CPXM2: variants seen among roughly 807,000 people sequenced by gnomAD.
CPXM2 encodes the protein carboxypeptidase X, M14 family member 2, also known as inactive carboxypeptidase-like protein X2.
Under a neutral mutation model 86.1 loss-of-function variants are expected in CPXM2, and 66 were observed. That is an observed-to-expected ratio of 0.77 (90% CI 0.63 to 0.94). The LOEUF (loss-of-function observed/expected upper bound fraction) is 0.94. Among genes scored for constraint, CPXM2 ranks in the 40% least tolerant of loss-of-function variants. The probability of loss-of-function intolerance (pLI) is 0.00; values close to 1 mark genes in which losing one functional copy is unlikely to be tolerated. For synonymous variants in CPXM2, 388 were observed against 400.2 expected, an observed-to-expected ratio of 0.97 and a Z score of 0.36; for missense variants, 948 against 1,026.3, an observed-to-expected ratio of 0.92 and a Z score of 1.04.
chr10:123,881,290 C>T (rs1476426493), intron 1 of CPXM2, among the ~76,000 whole-genome samples: 2 of 143,546 alleles, frequency 1.4e-5, no homozygotes, highest in African/African-American at 2.7e-5. Flanking sequence ...TTAGCTCCTA[C>T]TGATCCTGAA....
intron 2 of CPXM2, among the ~76,000 whole-genome samples, chr10:123,917,209 A>C (rs982769236): frequency 1.3e-5 from 2 of 152,228 alleles, no homozygotes; most frequent in Admixed American, 6.5e-5. Flanking sequence ...CTCCCTTAAC[A>C]TCTCTCTAGA....
intron 11 of CPXM2, among the ~76,000 whole-genome samples, chr10:123,761,600 AC>A (rs1846339562): frequency 6.6e-6 from 1 of 152,026 alleles, no homozygotes; most frequent in Admixed American, 6.6e-5. Flanking sequence ...GGAGTCAGAG[AC>A]CCCAGCCCTG....
chr10:123,830,265 T>C (rs1196193905), intron 4 of CPXM2, among the ~76,000 whole-genome samples: 2 of 152,182 alleles, frequency 1.3e-5, no homozygotes, highest in Non-Finnish European at 2.9e-5. Flanking sequence ...AAGAATAATT[T>C]GGAGGGATGC....
At chr10:123,750,236 G>A in intron 13 of CPXM2, 1 of 985,392 alleles carries the variant, frequency 1.0e-6, no homozygotes, top group Non-Finnish European at 1.2e-6. Context: ...CAAGCAGGTG[G>A]AGACAGTGTT....
chr10:123,778,133 T>C (rs1589988829), intron 7 of CPXM2, among the ~76,000 whole-genome samples: 2 of 152,198 alleles, frequency 1.3e-5, no homozygotes, highest in South Asian at 4.1e-4. Context: ...AAAAGTCCCC[T>C]CATTATCTTC....
intron 6 of CPXM2, among the ~76,000 whole-genome samples, chr10:123,793,378 G>A (rs1847251307): frequency 6.8e-6 from 1 of 147,526 alleles, no homozygotes; most frequent in Non-Finnish European, 1.5e-5. Flanking sequence ...CAGGAGAATA[G>A]CGTGAACCTG....
At chr10:123,915,618 C>T (rs1026146386) in intron 2 of CPXM2, among the ~76,000 whole-genome samples, 25 of 152,158 alleles carry the variant, frequency 1.6e-4, no homozygotes, top group African/African-American at 6.0e-4. Flanking sequence ...TCTGCTGAGC[C>T]CTTCAGACAA....
chr10:123,767,322 A>C lies in CPXM2; in HGVS notation c.1300-170T>G, dbSNP rs534254939. On this transcript the variant is annotated intron_variant, in intron 9 of 13. Transcript: ENST00000241305. ...GGAGAATATTGAAAAACTTCCTATT[A>C]ATATTTGGTGGGTGATAGATAGTTC... Among the ~76,000 whole-genome samples the C allele has an allele frequency of 6.6e-5, 10 of 152,286 alleles. No individual in the cohort carries two copies. In the South Asian group the frequency reaches 2.1e-3, roughly 32 times the overall value.
At chr10:123,942,627 C>T (rs1385043348), upstream of CPXM2, among the ~76,000 whole-genome samples, 1 of 152,218 alleles carries the variant, frequency 6.6e-6, no homozygotes, top group African/African-American at 2.4e-5. Flanking sequence ...ATCCCCACCG[C>T]TTTCCAAGAA....
intron 6 of CPXM2, among the ~76,000 whole-genome samples, chr10:123,782,088 T>C (rs1339038095): frequency 6.6e-6 from 1 of 152,232 alleles, no homozygotes; most frequent in Non-Finnish European, 1.5e-5. Context: ...TGGCATTTTG[T>C]CCACACAAGA....
intron 4 of CPXM2, among the ~76,000 whole-genome samples, chr10:123,813,524 A>T (rs1322161589): frequency 6.6e-6 from 1 of 152,210 alleles, no homozygotes; most frequent in African/African-American, 2.4e-5. Flanking sequence ...GCTGCACATG[A>T]TGCGTAGTAA....
chr10:123,774,307 G>A (rs955128104), intron 7 of CPXM2, among the ~76,000 whole-genome samples: 1 of 152,208 alleles, frequency 6.6e-6, no homozygotes, highest in African/African-American at 2.4e-5. Context: ...GGGTGGCGTG[G>A]AACTGAGTGC....
intron 2 of CPXM2, among the ~76,000 whole-genome samples, chr10:123,922,157 C>A (rs1945584129): frequency 6.6e-6 from 1 of 152,148 alleles, no homozygotes; most frequent in Non-Finnish European, 1.5e-5. Flanking sequence ...CCAGGAGCAC[C>A]CATGCCCCAC....
chr10:123,830,739 G>T (rs1848147091), intron 4 of CPXM2, among the ~76,000 whole-genome samples: 1 of 151,522 alleles, frequency 6.6e-6, no homozygotes, highest in South Asian at 2.1e-4. Context: ...CAGGAGGGCT[G>T]GGCTTGCCTT....
chr10:123,936,025 CCAA>C (rs1190026791), intron 2 of CPXM2, among the ~76,000 whole-genome samples: 1 of 4,700 alleles, frequency 2.1e-4, no homozygotes, highest in Non-Finnish European at 3.1e-4. Flanking sequence ...ATCACCACCA[CCAA>C]CACCAGCATC....
At chr10:123,942,535 A>G (rs148283573), upstream of CPXM2, among the ~76,000 whole-genome samples, 20 of 152,340 alleles carry the variant, frequency 1.3e-4, no homozygotes, top group East Asian at 3.5e-3. Context: ...CACCAGCACC[A>G]CGACAGTTTA....
At chr10:123,844,729 G>A (rs1364342147) in intron 3 of CPXM2, among the ~76,000 whole-genome samples, 1 of 152,102 alleles carries the variant, frequency 6.6e-6, no homozygotes, top group Admixed American at 6.6e-5. Flanking sequence ...TATGAAGACA[G>A]AATCAGATGG....
At chr10:123,932,302 C>G (rs1433252346) in intron 2 of CPXM2, among the ~76,000 whole-genome samples, 4 of 152,170 alleles carry the variant, frequency 2.6e-5, no homozygotes, top group African/African-American at 9.7e-5. Context: ...CTCATGCCAG[C>G]CTTTACTGCA....
rs1041449330 is a variant in CPXM2, at chr10:123,752,516, G to A, written c.2017+2147C>T. ...TTTATGCCAGGCCCACTGCTAGGGA[G>A]CCTGGCAATGAAGGATACATGGGCC... On this transcript the variant is annotated intron_variant, in intron 13 of 13. Coordinates refer to ENST00000241305, the MANE Select transcript of CPXM2 (RefSeq NM_198148.3). 7 of 985,280 alleles carry A rather than the reference G, an allele frequency of 7.1e-6. No individual in the cohort carries two copies. In the African/African-American group the frequency reaches 1.0e-4, roughly 15 times the overall value. 61.0% of individuals were successfully genotyped at this position (985,280 alleles called of 1,614,324 possible).
Sources: allele counts gnomAD v4.1 joint callset (sites outside exome capture counted in the v4.1 genomes callset), GRCh38; gene constraint gnomAD v4.1.1; transcripts MANE v1.5; gene names NCBI Gene and HGNC (gene_info 2026-07-23, HGNC 2026-07-21).